KHDRBS2: variants seen among roughly 807,000 people sequenced by gnomAD.
KHDRBS2 encodes the protein KH RNA binding domain containing, signal transduction associated 2, also known as KH domain-containing, RNA-binding, signal transduction-associated protein 2.
KHDRBS2 carries 26 observed loss-of-function variants against 44.3 expected under a neutral mutation model. That is an observed-to-expected ratio of 0.59 (90% CI 0.43 to 0.81). The LOEUF (loss-of-function observed/expected upper bound fraction) is 0.81. Ranked by LOEUF, KHDRBS2 falls within the 40% of genes least tolerant of loss-of-function variation. KHDRBS2 has a pLI of 0.00. For synonymous variants in KHDRBS2, 194 were observed against 151.1 expected (o/e 1.28, Z -2.08); for missense variants, 476 against 433.1 (o/e 1.10, Z -0.88).
intron 2 of KHDRBS2, among the ~76,000 whole-genome samples, chr6:62,120,264 A>C (rs1417965818): frequency 1.3e-5 from 2 of 152,210 alleles, no homozygotes; most frequent in African/African-American, 2.4e-5. Flanking sequence ...CCAAAGGCTT[A>C]GGAACATAGG....
intron 2 of KHDRBS2, among the ~76,000 whole-genome samples, chr6:62,075,628 A>T (rs1021871233): frequency 1.3e-4 from 19 of 151,810 alleles, no homozygotes; most frequent in Admixed American, 3.3e-4. Context: ...TCAGCATTAA[A>T]TTTTTTCCTC....
intron 8 of KHDRBS2, among the ~76,000 whole-genome samples, chr6:61,686,209 G>A (rs1008857511): frequency 5.9e-5 from 9 of 151,820 alleles, no homozygotes; most frequent in South Asian, 2.1e-4. Context: ...AAGCTCATGC[G>A]ATTTTTGGTA....
In KHDRBS2 at chr6:62,051,479, T is replaced by A. The variant is rs547014927; in HGVS notation, c.220-3485A>T. On this transcript the variant is annotated intron_variant, in intron 2 of 8. Transcript: ENST00000281156. Reference sequence around the variant, plus strand: ...AAAGATTATCCTTTCCTCATTGTGTTCTATTGGTGCCCTTATAAAAAAAAA... The same window carrying A: ...AAAGATTATCCTTTCCTCATTGTGTACTATTGGTGCCCTTATAAAAAAAAA... 2.6e-5 allele frequency among the ~76,000 whole-genome samples: 4 copies of A among 152,118 alleles called. No individual in the cohort carries two copies. The South Asian group carries it at 8.3e-4, about 32-fold the overall frequency.
intron 1 of KHDRBS2, among the ~76,000 whole-genome samples, chr6:62,179,305 T>C (rs1367618496): frequency 2.0e-5 from 3 of 151,714 alleles, no homozygotes; most frequent in Non-Finnish European, 3.0e-5. Context: ...ACTGAATTGT[T>C]TGAAAATAAG....
At chr6:61,891,565 G>C (rs1801846206) in intron 6 of KHDRBS2, among the ~76,000 whole-genome samples, 1 of 151,758 alleles carries the variant, frequency 6.6e-6, no homozygotes, top group South Asian at 2.1e-4. Context: ...TCTGGTCCTG[G>C]ACTGTTTTTG....
At chr6:61,719,161 A>G (rs1211130683) in intron 7 of KHDRBS2, among the ~76,000 whole-genome samples, 1 of 152,164 alleles carries the variant, frequency 6.6e-6, no homozygotes, top group African/African-American at 2.4e-5. Context: ...TATTTTGCCT[A>G]TTATACCAAT....
chr6:61,890,557 T>C (rs1486926327), intron 6 of KHDRBS2, among the ~76,000 whole-genome samples: 1 of 152,164 alleles, frequency 6.6e-6, no homozygotes, highest in Non-Finnish European at 1.5e-5. Flanking sequence ...CCTGAAAAGT[T>C]TTTCTCTCTT....
At chr6:61,718,404 G>A (rs1485140365) in intron 7 of KHDRBS2, among the ~76,000 whole-genome samples, 2 of 152,008 alleles carry the variant, frequency 1.3e-5, no homozygotes, top group Non-Finnish European at 2.9e-5. Flanking sequence ...ATATGTTCAA[G>A]CAACTGGCAC....
intron 6 of KHDRBS2, among the ~76,000 whole-genome samples, chr6:61,830,016 C>G (rs1438896099): frequency 6.6e-6 from 1 of 152,194 alleles, no homozygotes; most frequent in African/African-American, 2.4e-5. Context: ...TTCAAGTTGT[C>G]TACTACTCTG....
intron 2 of KHDRBS2, among the ~76,000 whole-genome samples, chr6:62,163,052 C>T (rs964155246): frequency 6.6e-6 from 1 of 151,956 alleles, no homozygotes. Flanking sequence ...AAGGGCATGG[C>T]ACAAGTGACG....
At chr6:61,545,497 A>ATT in the KHDRBS2 span, among the ~76,000 whole-genome samples, 1 of 76,752 alleles carries the variant, frequency 1.3e-5, no homozygotes, top group Admixed American at 1.5e-4. Context: ...TTTTTAGCTA[A>ATT]TCTCTGTGTG....
At chr6:61,972,124 A>G (rs1008246226) in intron 4 of KHDRBS2, among the ~76,000 whole-genome samples, 7 of 152,128 alleles carry the variant, frequency 4.6e-5, no homozygotes, top group African/African-American at 1.4e-4. Context: ...TTTTTGAGTC[A>G]CATTCATCTA....
chr6:62,088,988 G>A (rs1030595422), intron 2 of KHDRBS2, among the ~76,000 whole-genome samples: 1 of 152,126 alleles, frequency 6.6e-6, no homozygotes, highest in African/African-American at 2.4e-5. Context: ...GCTCCACCCA[G>A]TGTGAACTTC....
chr6:62,063,031 G>C (rs540523816), intron 2 of KHDRBS2, among the ~76,000 whole-genome samples: 1 of 149,620 alleles, frequency 6.7e-6, no homozygotes, highest in Non-Finnish European at 1.5e-5. Flanking sequence ...AAATCTAGAA[G>C]AAATGGATAC....
At chr6:61,931,241 A>G (rs934639257) in intron 4 of KHDRBS2, among the ~76,000 whole-genome samples, 3 of 152,078 alleles carry the variant, frequency 2.0e-5, no homozygotes, top group African/African-American at 7.2e-5. Context: ...AAGGAGCTAA[A>G]TAAAATTGAT....
chr6:62,094,169 T>C (rs1800082627), intron 2 of KHDRBS2, among the ~76,000 whole-genome samples: 1 of 151,818 alleles, frequency 6.6e-6, no homozygotes, highest in South Asian at 2.1e-4. Context: ...GTGTGTAGGG[T>C]TTCCTTGTCT....
chr6:62,018,041 TATAA>T (rs1389158929), intron 3 of KHDRBS2, among the ~76,000 whole-genome samples: 2 of 151,810 alleles, frequency 1.3e-5, no homozygotes, highest in Admixed American at 6.6e-5. Flanking sequence ...GTATTAGTAG[TATAA>T]ATAAGTACTA....
At chr6:61,945,174 G>A (rs1203817356) in intron 4 of KHDRBS2, among the ~76,000 whole-genome samples, 3 of 97,048 alleles carry the variant, frequency 3.1e-5, no homozygotes, top group African/African-American at 3.9e-5. Flanking sequence ...TCTTGATAAA[G>A]TTTATTTTTA....
At chr6:61,856,268 G>T (rs563126947) in intron 6 of KHDRBS2, among the ~76,000 whole-genome samples, 1 of 152,234 alleles carries the variant, frequency 6.6e-6, no homozygotes, top group South Asian at 2.1e-4. Flanking sequence ...ACACTTTAGT[G>T]TCTAAGCTTC....
Sources: allele counts gnomAD v4.1 joint callset (sites outside exome capture counted in the v4.1 genomes callset), GRCh38; gene constraint gnomAD v4.1.1; transcripts MANE v1.5; gene names NCBI Gene and HGNC (gene_info 2026-07-23, HGNC 2026-07-21).